The following UBE3A variants were observed in gnomAD, a reference collection of about 807,000 sequenced individuals.
The protein encoded by UBE3A is ubiquitin protein ligase E3A.
UBE3A carries 6 observed loss-of-function variants against 83.4 expected under a neutral mutation model. The ratio of observed to expected loss-of-function variants is 0.07; its 90% CI spans 0.04 to 0.14. The LOEUF (loss-of-function observed/expected upper bound fraction) is 0.14. Ranked by LOEUF, UBE3A falls within the 10% of genes least tolerant of loss-of-function variation. The probability of loss-of-function intolerance (pLI) is 1.00; values close to 1 mark genes in which losing one functional copy is unlikely to be tolerated. For missense variants in UBE3A, 456 were observed against 1,036.1 expected (o/e 0.44, Z 7.69); for synonymous variants, 337 against 355.4 (o/e 0.95, Z 0.58).
At chr15:25,412,653 T>C (rs1404161832) in intron 1 of UBE3A, among the ~76,000 whole-genome samples, 1 of 152,186 alleles carries the variant, frequency 6.6e-6, no homozygotes, top group Non-Finnish European at 1.5e-5. Flanking sequence ...AATCAGAACA[T>C]TCCTCAATGG....
At chr15:25,400,265 T>C (rs2086765558) in intron 4 of UBE3A, among the ~76,000 whole-genome samples, 1 of 152,236 alleles carries the variant, frequency 6.6e-6, no homozygotes. Context: ...ATCTGCAGGA[T>C]ATTGGTTCCA....
At chr15:25,353,980 C>T (rs1449600973) in intron 11 of UBE3A, 1 of 264,208 alleles carries the variant, frequency 3.8e-6, no homozygotes, top group East Asian at 9.2e-5. Context: ...AGTGCTTGAT[C>T]CTGGGAAGCC....
At chr15:25,365,746 TAAA>T (rs36057934) in intron 6 of UBE3A, among the ~76,000 whole-genome samples, 7 of 109,434 alleles carry the variant, frequency 6.4e-5, no homozygotes, top group Non-Finnish European at 3.8e-5. Flanking sequence ...AGACTCCGTC[TAAA>T]AAAAAAAAAA....
At chr15:25,373,857 C>T (rs2152836946) in intron 5 of UBE3A, 1 of 152,210 alleles carries the variant, frequency 6.6e-6, no homozygotes, top group African/African-American at 2.4e-5. Flanking sequence ...TAGATATGAA[C>T]ATTCAAAAAG....
At chr15:25,417,586 C>CA (rs1734586571) in intron 1 of UBE3A, among the ~76,000 whole-genome samples, 1 of 151,060 alleles carries the variant, frequency 6.6e-6, no homozygotes, top group Non-Finnish European at 1.5e-5. Flanking sequence ...CTCAAGAATT[C>CA]AAAAAAATAC....
chr15:25,349,368 A>G, intron 11 of UBE3A, among the ~76,000 whole-genome samples: 1 of 152,214 alleles, frequency 6.6e-6, no homozygotes, highest in East Asian at 1.9e-4. Context: ...AAGATATAAA[A>G]GGACATAAAA....
At chr15:25,405,542 AT>A in intron 3 of UBE3A, 40 bp from the exon 4 acceptor site, 1 of 1,605,080 alleles carries the variant, frequency 6.2e-7, no homozygotes. Context: ...AAAATATTCC[AT>A]ATTCCAAAAA....
rs373640461 is a variant in UBE3A, at chr15:25,429,966, T to C, written c.-165+8523A>G. 2.4e-4 allele frequency among the ~76,000 whole-genome samples: 33 copies of C among 140,076 alleles called. No individual in the cohort carries two copies. The South Asian group carries it at 4.9e-3, about 21-fold the overall frequency. 91.9% of individuals were successfully genotyped at this position (140,076 alleles called of 152,430 possible). On this transcript the variant is annotated intron_variant, in intron 1 of 12. Transcript: ENST00000648336. ...GCTGCAGTGAGCTAAGACTGCACCA[T>C]TGCACACCAGCCTGGGCAACAGGGC...
intron 4 of UBE3A, among the ~76,000 whole-genome samples, chr15:25,382,202 TC>T (rs372737382): frequency 1.1e-3 from 160 of 151,830 alleles, no homozygotes; most frequent in African/African-American, 3.8e-3. Flanking sequence ...GCGCCTATAG[TC>T]CCAGCTACTT....
chr15:25,338,705 C>T lies in UBE3A; in HGVS notation c.*432G>A, dbSNP rs149789260. The T allele has an allele frequency of 4.6e-5, 7 of 152,384 alleles. No homozygotes were observed. The East Asian group carries it at 1.4e-3, about 29-fold the overall frequency. The allele number at this position is 152,384 out of a possible 1,614,324, so 9.4% of individuals were successfully genotyped here. A position where few individuals can be genotyped will look rare whatever the true frequency, so the allele number is the denominator to read the frequency against. ...ACATACTTGAAGGTTACGTGGTCTACAAATGGTGGCAATATTTTCCTTGGG... is the reference window on the plus strand; with the variant it reads ...ACATACTTGAAGGTTACGTGGTCTATAAATGGTGGCAATATTTTCCTTGGG... On this transcript the variant is annotated 3_prime_UTR_variant, in exon 13 of 13. Transcript: ENST00000648336.
chr15:25,425,611 C>T (rs908103297), intron 1 of UBE3A, among the ~76,000 whole-genome samples: 6 of 151,840 alleles, frequency 4.0e-5, no homozygotes, highest in Admixed American at 2.0e-4. Context: ...GCATTTTTTT[C>T]CCTCTACAGT....
At chr15:25,356,962 A>C in intron 7 of UBE3A, 66 bp from the exon 8 acceptor site, 1 of 1,315,520 alleles carries the variant, frequency 7.6e-7, no homozygotes, top group East Asian at 2.5e-5. Context: ...GAATAATACA[A>C]ATATAAACTT....
At chr15:25,375,241 TCTATTAA>T (rs1235147252) in intron 5 of UBE3A, 1 of 552,450 alleles carries the variant, frequency 1.8e-6, no homozygotes, top group Non-Finnish European at 3.2e-6. Flanking sequence ...TTCAAATCAA[TCTATTAA>T]CAAATGAACT....
chr15:25,354,681 T>A lies in UBE3A; in HGVS notation c.2127A>T (p.Glu709Asp). ...TGTAGTCAGAATAAAGATTGACAAATTCCTGTAGAAAACATTAATCACAAG... is the reference window on the plus strand; with the variant it reads ...TGTAGTCAGAATAAAGATTGACAAAATCCTGTAGAAAACATTAATCACAAG... The part of the protein sequence containing the change: ...KIPITNENRK[E>D]FVNLYSDYIL... Residue 709 changes from glutamate (E) to aspartate (D), a missense_variant and splice_region_variant, in exon 10 of 13, where the codon GAA becomes GAT. Transcript: ENST00000648336. 2 of 1,612,086 alleles carry A rather than the reference T, an allele frequency of 1.2e-6. No individual in the cohort carries two copies. The highest frequency in any genetic ancestry group is 1.7e-6 in the Non-Finnish European group (2 of 1,179,146).
At chr15:25,350,606 T>C (rs1278527862) in intron 11 of UBE3A, among the ~76,000 whole-genome samples, 1 of 152,190 alleles carries the variant, frequency 6.6e-6, no homozygotes, top group Non-Finnish European at 1.5e-5. Flanking sequence ...TCCTACATGT[T>C]TGCCCAGGAG....
At chr15:25,381,978 A>G (rs1045600555) in intron 4 of UBE3A, among the ~76,000 whole-genome samples, 4 of 152,196 alleles carry the variant, frequency 2.6e-5, no homozygotes, top group Non-Finnish European at 4.4e-5. Context: ...AATATGAACA[A>G]ATCAGTATTT....
intron 4 of UBE3A, among the ~76,000 whole-genome samples, chr15:25,388,987 T>C (rs2083705550): frequency 6.6e-6 from 1 of 152,174 alleles, no homozygotes; most frequent in Admixed American, 6.5e-5. Context: ...AATGAAGAGC[T>C]ATTCCATGAC....
At chr15:25,432,978 C>A (rs915106085) in intron 1 of UBE3A, among the ~76,000 whole-genome samples, 1 of 152,122 alleles carries the variant, frequency 6.6e-6, no homozygotes, top group African/African-American at 2.4e-5. Flanking sequence ...CTAAAAATAT[C>A]TTTTCCTTTC....
At chr15:25,408,597 A>G (rs747721530) in intron 3 of UBE3A, 1 of 1,613,864 alleles carries the variant, frequency 6.2e-7, no homozygotes, top group South Asian at 1.1e-5. Context: ...AGCATGAGCT[A>G]GCAAATTCAA....
Sources: gnomAD v4.1 joint callset for allele counts (sites outside exome capture counted in the v4.1 genomes callset) on GRCh38, gnomAD v4.1.1 for gene constraint, MANE v1.5 for transcripts, NCBI Gene and HGNC (gene_info 2026-07-23, HGNC 2026-07-21) for gene names.